Variants in C1QC observed in about 807,000 individuals in gnomAD.
C1QC encodes complement C1q subcomponent subunit C.
Under a neutral mutation model 5.9 loss-of-function variants are expected in C1QC, and 4 were observed. The observed-to-expected ratio is 0.68, with a 90% CI of 0.33 to 1.55. C1QC has a LOEUF of 1.55. C1QC is among the 40% of genes most tolerant of loss of function. The pLI is 0.06. For synonymous variants in C1QC, 166 were observed against 153.8 expected, an observed-to-expected ratio of 1.08 and a Z score of -0.59; for missense variants, 299 against 326.9, an observed-to-expected ratio of 0.91 and a Z score of 0.66.
intron 1 of C1QC, 113 bp from the exon 2 acceptor site, chr1:22,643,898 G>C: frequency 1.4e-6 from 2 of 1,403,460 alleles, no homozygotes; most frequent in South Asian, 1.6e-5. Flanking sequence ...TGAGGCTCCT[G>C]GGGGAGGAAG....
At position 22,644,029 on chromosome 1, in the gene C1QC, C is replaced by A; in HGVS notation, c.6C>A (p.Asp2Glu). The A allele has an allele frequency of 1.3e-6, 2 of 1,591,514 alleles. No homozygotes were observed. The highest frequency in any genetic ancestry group is 2.3e-5 in the South Asian group (2 of 86,778). The change falls in exon 2 of 3, where the codon GAC becomes GAA. Residue 2 changes from aspartate (D) to glutamate (E), a missense_variant. By Grantham distance (45) the Asp-to-Glu change is conservative. This residue lies in a region of C1QC where 146 missense variants were observed against 144.1 expected (regional missense o/e 1.01). Coordinates refer to ENST00000374640, the MANE Select transcript of C1QC (RefSeq NM_172369.5). M[D>E]VGPSSLPHLG... ...CTCCCAGTTCCTTCTCCGGGATGGACGTGGGGCCCAGCTCCCTGCCCCACC... is the reference window on the plus strand; with the variant it reads ...CTCCCAGTTCCTTCTCCGGGATGGAAGTGGGGCCCAGCTCCCTGCCCCACC...
chr1:22,644,053 C>G lies in C1QC; in HGVS notation c.30C>G (p.His10Gln). The change falls in exon 2 of 3, where the codon CAC becomes CAG. Residue 10 changes from histidine to glutamine, a missense_variant. Physicochemically the swap from His to Gln is conservative, Grantham distance 24. This residue lies in a region of C1QC where 146 missense variants were observed against 144.1 expected (regional missense o/e 1.01). Transcript: ENST00000374640. The stretch of plus-strand genomic sequence containing the variant: ...ACGTGGGGCCCAGCTCCCTGCCCCA[C>G]CTTGGGCTGAAGCTGCTGCTGCTCC... MDVGPSSLP[H>Q]LGLKLLLLLL... 2 of 1,587,120 alleles carry G rather than the reference C, an allele frequency of 1.3e-6. No homozygotes were observed. The highest frequency in any genetic ancestry group is 2.3e-5 in the South Asian group (2 of 86,436).
At chr1:22,647,103 C>A in intron 2 of C1QC, 124 bp from the exon 3 acceptor site, 1 of 1,143,696 alleles carries the variant, frequency 8.7e-7, no homozygotes, top group Non-Finnish European at 1.2e-6. Context: ...AGGGAGATAG[C>A]CCATCTATGA....
chr1:22,644,982 G>C lies in C1QC; in HGVS notation c.181+778G>C, dbSNP rs988751805. Among the ~76,000 whole-genome samples, 5 of 152,224 alleles carry C rather than the reference G, an allele frequency of 3.3e-5. No homozygotes were observed. The East Asian group carries it at 9.7e-4, about 29-fold the overall frequency. ...GACTGGGGCTGGAACTGGAGCCCTG[G>C]GGGGTATGAGTGCCTTGTCTGTGAG... On this transcript the variant is annotated intron_variant, in intron 2 of 2. Coordinates refer to ENST00000374640, the MANE Select transcript of C1QC (RefSeq NM_172369.5).
At chr1:22,646,079 A>G (rs1177218322) in intron 2 of C1QC, among the ~76,000 whole-genome samples, 1 of 152,184 alleles carries the variant, frequency 6.6e-6, no homozygotes, top group Non-Finnish European at 1.5e-5. Context: ...AGACACTGGG[A>G]TTCTCCAGAC....
chr1:22,644,822 C>A (rs541492791), intron 2 of C1QC, among the ~76,000 whole-genome samples: 1 of 152,254 alleles, frequency 6.6e-6, no homozygotes, highest in Non-Finnish European at 1.5e-5. Flanking sequence ...TATCCATGCT[C>A]ACCTCCCTCC....
rs1476341263 is a variant in C1QC at position 22,647,733 on chromosome 1, A to T, written c.688A>T (p.Ile230Phe). The T allele has an allele frequency of 1.2e-6, 2 of 1,601,246 alleles. No homozygotes were observed. Among genetic ancestry groups the T allele is most frequent in the Admixed American group, 1.7e-5 (1 of 60,022 alleles). ...CAATGACTACTACGACATGGTGGGCATCCAGGGCTCTGACAGCGTCTTCTC... is the reference window on the plus strand; with the variant it reads ...CAATGACTACTACGACATGGTGGGCTTCCAGGGCTCTGACAGCGTCTTCTC... ...AVNDYYDMVG[I>F]QGSDSVFSGF... The change falls in exon 3 of 3, where the codon ATC becomes TTC. Residue 230 changes from isoleucine (I) to phenylalanine (F), a missense_variant. Coordinates refer to ENST00000374640, the MANE Select transcript of C1QC (RefSeq NM_172369.5).
rs1410758716 is a variant in C1QC at position 22,647,294 on chromosome 1, T to A, written c.249T>A (p.His83Gln). 1 of 1,613,494 alleles carries A rather than the reference T, an allele frequency of 6.2e-7. No homozygotes were observed. The highest frequency in any genetic ancestry group is 8.5e-7 in the Non-Finnish European group (1 of 1,179,948). ...GQKGEPGLPG[H>Q]PGKNGPMGPP... ...AGGGAGAACCCGGCTTACCCGGCCA[T>A]CCTGGGAAAAATGGCCCCATGGGAC... Residue 83 changes from histidine to glutamine, a missense_variant, in exon 3 of 3, where the codon CAT becomes CAA. His to Gln is a conservative substitution (Grantham distance 24). Coordinates refer to ENST00000374640, the MANE Select transcript of C1QC (RefSeq NM_172369.5).
Position 22,647,771 on chromosome 1 carries a change from C to G in C1QC, c.726C>G (p.Leu242=). The G allele has an allele frequency of 6.3e-7, 1 of 1,599,804 alleles. No individual in the cohort carries two copies. Among genetic ancestry groups the G allele is most frequent in the South Asian group, 1.1e-5 (1 of 91,082 alleles). The part of the protein sequence containing the change: ...GSDSVFSGFL[L]FPD ...ACAGCGTCTTCTCCGGCTTCCTGCT[C>G]TTCCCCGACTAGGGCGGGCAGATGC... Residue 242 remains leucine (L), a synonymous_variant, in exon 3 of 3, where the codon CTC becomes CTG. Transcript: ENST00000374640.
At chr1:22,646,786 CAAATTT>C (rs1310833751) in intron 2 of C1QC, among the ~76,000 whole-genome samples, 1 of 152,206 alleles carries the variant, frequency 6.6e-6, no homozygotes, top group Non-Finnish European at 1.5e-5. Flanking sequence ...CTGAGAATTT[CAAATTT>C]TAAATAAGTT....
chr1:22,645,100 G>A (rs890782012), intron 2 of C1QC, among the ~76,000 whole-genome samples: 46 of 152,070 alleles, frequency 3.0e-4, no homozygotes, highest in African/African-American at 1.1e-3. Flanking sequence ...CAGTGGAAAG[G>A]AGGGAGGCCA....
At chr1:22,643,909 G>C in intron 1 of C1QC, 102 bp from the exon 2 acceptor site, 2 of 1,418,724 alleles carry the variant, frequency 1.4e-6, no homozygotes, top group African/African-American at 1.4e-5. Flanking sequence ...GGGGAGGAAG[G>C]AAGGCGAGCT....
Position 22,644,138 on chromosome 1 carries a change from C to A in C1QC, c.115C>A (p.Pro39Thr). The A allele has an allele frequency of 6.3e-7, 1 of 1,584,544 alleles. No individual in the cohort carries two copies. The highest frequency in any genetic ancestry group is 8.6e-7 in the Non-Finnish European group (1 of 1,166,332). The part of the protein sequence containing the change: ...NTGCYGIPGM[P>T]GLPGAPGKDG... ...AGGCTGCTACGGGATCCCAGGGATG[C>A]CCGGCCTGCCCGGGGCACCAGGGAA... is the stretch of plus-strand genomic sequence containing the variant. The change falls in exon 2 of 3, where the codon CCC becomes ACC. Residue 39 changes from proline (P) to threonine (T), a missense_variant. By Grantham distance (38) the Pro-to-Thr change is conservative (BLOSUM62 -1). Transcript: ENST00000374640.
intron 2 of C1QC, 108 bp downstream of exon 2, chr1:22,644,312 G>C: frequency 7.4e-7 from 1 of 1,357,200 alleles, no homozygotes; most frequent in Non-Finnish European, 9.8e-7. Context: ...TTGCCTTGCT[G>C]CCACGCCTGC....
rs762217466 is a variant in C1QC at position 22,647,994 on chromosome 1, G to A, written c.*211G>A. On this transcript the variant is annotated 3_prime_UTR_variant, in exon 3 of 3. Coordinates refer to ENST00000374640, the MANE Select transcript of C1QC (RefSeq NM_172369.5). ...TGAACTTCTTTAGGAGTCACTGCTT[G>A]TGTGGTTCCTGGGACACTTAACCAA... is the stretch of plus-strand genomic sequence containing the variant. The A allele has an allele frequency of 5.8e-5, 34 of 591,186 alleles. No individual in the cohort carries two copies. The highest frequency in any genetic ancestry group is 2.6e-5 in the Non-Finnish European group (9 of 349,956). 36.6% of individuals were successfully genotyped at this position (591,186 alleles called of 1,614,324 possible). A position where few individuals can be genotyped will look rare whatever the true frequency, so the allele number is the denominator to read the frequency against.
Position 22,644,287 on chromosome 1 carries a change from G to T in C1QC, c.181+83G>T, listed in dbSNP as rs188394725. The T allele has an allele frequency of 3.5e-6, 5 of 1,445,484 alleles. No individual in the cohort carries two copies. The African/African-American group carries it at 5.7e-5, about 16-fold the overall frequency. The allele number at this position is 1,445,484 out of a possible 1,614,324, so 89.5% of individuals were successfully genotyped here. A position where few individuals can be genotyped will look rare whatever the true frequency, so the allele number is the denominator to read the frequency against. On this transcript the variant is annotated intron_variant, in intron 2 of 2. Coordinates refer to ENST00000374640, the MANE Select transcript of C1QC (RefSeq NM_172369.5). ...TCTGGGGCTGACCAAGGGGGCGGGGGACAGCAGGAAGTGCTTGCCTTGCTG... is the reference window on the plus strand; with the variant it reads ...TCTGGGGCTGACCAAGGGGGCGGGGTACAGCAGGAAGTGCTTGCCTTGCTG...
chr1:22,647,787 G>A lies in C1QC; in HGVS notation c.*4G>A, dbSNP rs758291428. 1.2e-4 allele frequency: 184 copies of A among 1,599,410 alleles called. 1 individual carries two copies. The highest frequency in any genetic ancestry group is 2.0e-4 in the Admixed American group (12 of 59,988). ...CTTCCTGCTCTTCCCCGACTAGGGCGGGCAGATGCGCTCGAGCCCCACGGG... is the reference window on the plus strand; with the variant it reads ...CTTCCTGCTCTTCCCCGACTAGGGCAGGCAGATGCGCTCGAGCCCCACGGG... On this transcript the variant is annotated 3_prime_UTR_variant, in exon 3 of 3. Coordinates refer to ENST00000374640, the MANE Select transcript of C1QC (RefSeq NM_172369.5).
rs906266306 is a variant in C1QC, at chr1:22,647,288, C to T, written c.243C>T (p.Pro81=). 4.3e-6 allele frequency: 7 copies of T among 1,613,088 alleles called. No homozygotes were observed. Among genetic ancestry groups the T allele is most frequent in the African/African-American group, 2.7e-5 (2 of 74,908 alleles). Residue 81 remains proline, a synonymous_variant, in exon 3 of 3, where the codon CCC becomes CCT. Coordinates refer to ENST00000374640, the MANE Select transcript of C1QC (RefSeq NM_172369.5). ...PKGQKGEPGL[P]GHPGKNGPMG... is the part of the protein sequence containing the mutation. ...GGCAGAAGGGAGAACCCGGCTTACC[C>T]GGCCATCCTGGGAAAAATGGCCCCA...
chr1:22,643,753 C>T (rs543528069), intron 1 of C1QC, 39 bp downstream of exon 1: 2 of 1,320,580 alleles, frequency 1.5e-6, no homozygotes, highest in African/African-American at 1.5e-5. Flanking sequence ...GGCAGATGGC[C>T]GTTTCCTCCA....
Sources: allele counts gnomAD v4.1 joint callset (sites outside exome capture counted in the v4.1 genomes callset), GRCh38; gene constraint gnomAD v4.1.1; regional missense constraint gnomAD v4.1.1; transcripts MANE v1.5; gene names NCBI Gene and HGNC (gene_info 2026-07-23, HGNC 2026-07-21).